The following LNP1 variants were observed in gnomAD, a reference collection of about 807,000 sequenced individuals.
The protein encoded by LNP1 is leukemia NUP98 fusion partner 1.
Under a neutral mutation model 14.5 loss-of-function variants are expected in LNP1, and 12 were observed. The ratio of observed to expected loss-of-function variants is 0.83; its 90% CI spans 0.53 to 1.34. The LOEUF (loss-of-function observed/expected upper bound fraction) is 1.34, where lower values mean the gene tolerates loss of function less well. LNP1 is among the 40% of genes most tolerant of loss of function. The probability of loss-of-function intolerance (pLI) is 0.00; values close to 1 mark genes in which losing one functional copy is unlikely to be tolerated. For missense variants in LNP1, 198 were observed against 210.9 expected (o/e 0.94, Z 0.38); for synonymous variants, 75 against 71.4 (o/e 1.05, Z -0.26).
intron 1 of LNP1, among the ~76,000 whole-genome samples, chr3:100,423,711 A>G (rs561907070): frequency 1.3e-5 from 2 of 152,052 alleles, no homozygotes; most frequent in Admixed American, 1.3e-4. Flanking sequence ...GAAAATTCTC[A>G]TTTTCTTGAG....
rs60049011 is a variant in LNP1, at chr3:100,414,546, T to TAA, written c.-34+12121_-34+12122dup. 9.3e-3 allele frequency among the ~76,000 whole-genome samples: 1,271 copies of TAA among 137,284 alleles called. 17 individuals are homozygous for TAA. The highest frequency in any genetic ancestry group is 0.033 in the African/African-American group (1,235 of 37,304). 90.1% of individuals were successfully genotyped at this position (137,284 alleles called of 152,430 possible). A position where few individuals can be genotyped will look rare whatever the true frequency, so the allele number is the denominator to read the frequency against. ...TGGGCAATAAAGCTAGACTCAGTCT[T>TAA]AAAAAAAAAAAAAAAGTTAATCAAA... is the stretch of plus-strand genomic sequence containing the variant. On this transcript the variant is annotated intron_variant, in intron 1 of 3. Coordinates refer to ENST00000383693, the MANE Select transcript of LNP1 (RefSeq NM_001085451.2).
intron 3 of LNP1, among the ~76,000 whole-genome samples, chr3:100,452,832 A>G (rs1385725891): frequency 6.6e-6 from 1 of 152,226 alleles, no homozygotes; most frequent in Non-Finnish European, 1.5e-5. Flanking sequence ...GCTAAACTTG[A>G]TACATAAAGT....
intron 1 of LNP1, among the ~76,000 whole-genome samples, 189 bp downstream of exon 1, chr3:100,402,628 A>T (rs1050803230): frequency 6.6e-6 from 1 of 151,590 alleles, no homozygotes; most frequent in African/African-American, 2.4e-5. Flanking sequence ...TGCCTTTTTC[A>T]GAACACAAGT....
chr3:100,418,880 G>T (rs1445649426), intron 1 of LNP1, among the ~76,000 whole-genome samples: 1 of 152,164 alleles, frequency 6.6e-6, no homozygotes, highest in African/African-American at 2.4e-5. Flanking sequence ...GTATTGGAGA[G>T]AACAAATCCC....
chr3:100,424,540 A>G (rs901896769), intron 1 of LNP1, among the ~76,000 whole-genome samples: 3 of 152,224 alleles, frequency 2.0e-5, no homozygotes, highest in African/African-American at 7.2e-5. Flanking sequence ...AGTACCCCAG[A>G]TAATGACTGG....
chr3:100,413,105 A>AGAAATAGTCT (rs1707046071), intron 1 of LNP1, among the ~76,000 whole-genome samples: 1 of 152,216 alleles, frequency 6.6e-6, no homozygotes, highest in Non-Finnish European at 1.5e-5. Flanking sequence ...CTTCCATCAC[A>AGAAATAGTCT]ACCACCTTTA....
chr3:100,418,350 G>A (rs1207974386), intron 1 of LNP1, among the ~76,000 whole-genome samples: 1 of 151,618 alleles, frequency 6.6e-6, no homozygotes, highest in African/African-American at 2.4e-5. Context: ...GAGCCACCAT[G>A]CTCCGCTTCA....
chr3:100,435,206 C>T (rs1707283036), intron 2 of LNP1, among the ~76,000 whole-genome samples: 1 of 152,178 alleles, frequency 6.6e-6, no homozygotes, highest in Admixed American at 6.5e-5. Flanking sequence ...GAGCTTTTAG[C>T]ATAATGTTCT....
At chr3:100,426,478 G>A (rs1029509883) in intron 1 of LNP1, among the ~76,000 whole-genome samples, 15 of 152,190 alleles carry the variant, frequency 9.9e-5, no homozygotes, top group Admixed American at 2.0e-4. Flanking sequence ...CAATTGACAA[G>A]AAATGTTTTC....
intron 2 of LNP1, among the ~76,000 whole-genome samples, chr3:100,442,050 A>G (rs1349379897): frequency 1.3e-5 from 2 of 152,152 alleles, no homozygotes; most frequent in Non-Finnish European, 2.9e-5. Context: ...CTTTCTCCAT[A>G]TAGGAATTAC....
At chr3:100,439,223 A>AT (rs913396208) in intron 2 of LNP1, among the ~76,000 whole-genome samples, 1 of 151,714 alleles carries the variant, frequency 6.6e-6, no homozygotes, top group Admixed American at 6.6e-5. Context: ...ATTTATTATT[A>AT]TTTTTTTCCT....
chr3:100,428,274 G>A (rs773818137), intron 1 of LNP1, among the ~76,000 whole-genome samples: 1 of 152,050 alleles, frequency 6.6e-6, no homozygotes, highest in Non-Finnish European at 1.5e-5. Flanking sequence ...TGGCTCACGC[G>A]TGTAATCCCA....
At chr3:100,436,417 T>C (rs910969034) in intron 2 of LNP1, among the ~76,000 whole-genome samples, 2 of 152,152 alleles carry the variant, frequency 1.3e-5, no homozygotes, top group Admixed American at 1.3e-4. Flanking sequence ...GTCTGTTCAG[T>C]TGATGAGGGG....
intron 1 of LNP1, among the ~76,000 whole-genome samples, chr3:100,411,926 G>T (rs956154717): frequency 6.6e-6 from 1 of 152,100 alleles, no homozygotes; most frequent in Non-Finnish European, 1.5e-5. Context: ...GCATATAATA[G>T]ACACTCAATA....
chr3:100,445,207 G>T (rs1301896835), intron 2 of LNP1, among the ~76,000 whole-genome samples: 1 of 152,178 alleles, frequency 6.6e-6, no homozygotes, highest in African/African-American at 2.4e-5. Context: ...AGAGGCAGAG[G>T]TTGCAGTGAG....
intron 1 of LNP1, among the ~76,000 whole-genome samples, chr3:100,421,518 A>G (rs1348379402): frequency 6.6e-6 from 1 of 152,188 alleles, no homozygotes; most frequent in Non-Finnish European, 1.5e-5. Flanking sequence ...CTGTGTCATT[A>G]AGTCCTATGA....
At position 100,401,939 on chromosome 3, in the gene LNP1, C is replaced by A. The variant is rs188082108; in HGVS notation, c.-534C>A. ...CGTCAGGGTTCCCGCCGGCTTCGAG[C>A]CTTTCTTGGCGTATTTGTATCTTGA... On this transcript the variant is annotated 5_prime_UTR_variant, in exon 1 of 4. Transcript: ENST00000383693. The A allele has an allele frequency of 3.3e-5, 5 of 152,328 alleles. No individual in the cohort carries two copies. In the East Asian group the frequency reaches 9.6e-4, roughly 29 times the overall value. 9.4% of individuals were successfully genotyped at this position (152,328 alleles called of 1,614,324 possible).
chr3:100,403,495 G>A (rs577021752), intron 1 of LNP1, among the ~76,000 whole-genome samples: 14 of 150,242 alleles, frequency 9.3e-5, no homozygotes, highest in Non-Finnish European at 1.3e-4. Context: ...ATGGAGTTTC[G>A]CTCTTGTTGC....
At chr3:100,449,197 G>A (rs1008668689) in intron 2 of LNP1, among the ~76,000 whole-genome samples, 5 of 152,058 alleles carry the variant, frequency 3.3e-5, no homozygotes, top group African/African-American at 1.2e-4. Context: ...TTCCAAAAAC[G>A]GAGAATTACC....
Sources: gnomAD v4.1 joint callset for allele counts (sites outside exome capture counted in the v4.1 genomes callset) on GRCh38, gnomAD v4.1.1 for gene constraint, MANE v1.5 for transcripts, NCBI Gene and HGNC (gene_info 2026-07-23, HGNC 2026-07-21) for gene names.